Variants in CNBD1 observed in about 807,000 individuals in gnomAD.
The protein encoded by CNBD1 is cyclic nucleotide binding domain containing 1.
A neutral mutation model predicts 54.4 loss-of-function variants in CNBD1; 71 were observed. The observed-to-expected ratio is 1.30, with a 90% CI of 1.08 to 1.59. The LOEUF is 1.59. Among genes scored for constraint, CNBD1 ranks in the 40% most tolerant of loss-of-function variants. The probability of loss-of-function intolerance (pLI) is 0.00; values close to 1 mark genes in which losing one functional copy is unlikely to be tolerated. For synonymous variants in CNBD1, 182 were observed against 170.7 expected (o/e 1.07, Z -0.51); for missense variants, 659 against 518.0 (o/e 1.27, Z -2.64).
At chr8:87,314,126 T>C (rs1428768744) in intron 8 of CNBD1, among the ~76,000 whole-genome samples, 1 of 151,792 alleles carries the variant, frequency 6.6e-6, no homozygotes, top group Non-Finnish European at 1.5e-5. Context: ...TCTAATTCAG[T>C]ATAATATGGG....
intron 3 of CNBD1, chr8:87,428,625 G>A (rs1216600128): frequency 2.2e-6 from 1 of 451,838 alleles, no homozygotes; most frequent in Admixed American, 2.4e-5. Context: ...TAAGTAAAAT[G>A]TTCAAGTTAT....
At chr8:87,126,266 G>A (rs535609389) in intron 4 of CNBD1, among the ~76,000 whole-genome samples, 1 of 151,942 alleles carries the variant, frequency 6.6e-6, no homozygotes, top group Non-Finnish European at 1.5e-5. Flanking sequence ...TTTCCAAAGT[G>A]GTTGTACCAC....
chr8:87,285,862 C>T (rs1808687445), intron 7 of CNBD1, among the ~76,000 whole-genome samples: 1 of 152,168 alleles, frequency 6.6e-6, no homozygotes, highest in Admixed American at 6.6e-5. Flanking sequence ...AAGAGTGAAA[C>T]TCCGTCTCAA....
intron 8 of CNBD1, among the ~76,000 whole-genome samples, chr8:87,301,511 T>A (rs1808992028): frequency 6.6e-6 from 1 of 152,040 alleles, no homozygotes; most frequent in Non-Finnish European, 1.5e-5. Context: ...ATAACGTGGG[T>A]TTCATACCAA....
intron 4 of CNBD1, among the ~76,000 whole-genome samples, chr8:87,193,587 C>T (rs1813655281): frequency 6.6e-6 from 1 of 152,180 alleles, no homozygotes; most frequent in East Asian, 1.9e-4. Context: ...ATCAGCATCT[C>T]TGAAATTTCC....
At chr8:86,991,221 T>C (rs1226014172) in intron 4 of CNBD1, among the ~76,000 whole-genome samples, 1 of 152,172 alleles carries the variant, frequency 6.6e-6, no homozygotes, top group African/African-American at 2.4e-5. Context: ...TTATGTTGAA[T>C]GACAGTGGTG....
At chr8:87,371,413 G>A (rs1810792187) in intron 10 of CNBD1, among the ~76,000 whole-genome samples, 1 of 151,946 alleles carries the variant, frequency 6.6e-6, no homozygotes, top group Non-Finnish European at 1.5e-5. Flanking sequence ...TTGAGCAGTG[G>A]TTTGTAATTC....
At chr8:87,423,078 C>G (rs1807974061) in intron 2 of CNBD1, among the ~76,000 whole-genome samples, 1 of 151,696 alleles carries the variant, frequency 6.6e-6, no homozygotes, top group Non-Finnish European at 1.5e-5. Context: ...CTCTGTTTGT[C>G]TGTTGTTGGT....
chr8:87,328,104 T>C (rs1177383902), intron 8 of CNBD1, among the ~76,000 whole-genome samples: 1 of 152,066 alleles, frequency 6.6e-6, no homozygotes, highest in Admixed American at 6.5e-5. Flanking sequence ...CCCACATGCA[T>C]TAGGTGTTTG....
intron 3 of CNBD1, among the ~76,000 whole-genome samples, chr8:86,925,482 A>AGTGTGTGTGTGT (rs71275894): frequency 1.3e-4 from 19 of 141,816 alleles, no homozygotes; most frequent in African/African-American, 5.1e-4. Flanking sequence ...CTTACCAAAA[A>AGTGTGTGTGTGT]GTGTGTGTGT....
At chr8:87,167,911 G>T (rs1353354746) in intron 4 of CNBD1, among the ~76,000 whole-genome samples, 1 of 151,810 alleles carries the variant, frequency 6.6e-6, no homozygotes, top group Non-Finnish European at 1.5e-5. Flanking sequence ...TGATAATACA[G>T]CCTAATACAT....
At chr8:87,312,771 T>A (rs889498201) in intron 8 of CNBD1, among the ~76,000 whole-genome samples, 10 of 151,946 alleles carry the variant, frequency 6.6e-5, no homozygotes, top group African/African-American at 2.4e-4. Context: ...GAATATTCCA[T>A]AAAAATTTTT....
intron 4 of CNBD1, among the ~76,000 whole-genome samples, chr8:86,972,605 G>T (rs1808249186): frequency 6.6e-6 from 1 of 152,088 alleles, no homozygotes; most frequent in Admixed American, 6.6e-5. Context: ...CACATAATAG[G>T]TAAGATACAC....
At chr8:87,248,288 G>A (rs1807846900) in intron 6 of CNBD1, among the ~76,000 whole-genome samples, 1 of 152,164 alleles carries the variant, frequency 6.6e-6, no homozygotes, top group Non-Finnish European at 1.5e-5. Flanking sequence ...AGTGCTAGCT[G>A]AAAAAGGAAC....
chr8:87,040,770 T>C (rs555637170), intron 4 of CNBD1, among the ~76,000 whole-genome samples: 1 of 151,610 alleles, frequency 6.6e-6, no homozygotes, highest in South Asian at 2.1e-4. Flanking sequence ...ATTTTGTGTG[T>C]TTTTTAAAAT....
intron 3 of CNBD1, among the ~76,000 whole-genome samples, chr8:86,910,127 A>G (rs1298294763): frequency 2.0e-5 from 3 of 152,128 alleles, no homozygotes; most frequent in Non-Finnish European, 4.4e-5. Flanking sequence ...TTTTAGTTGT[A>G]ATCGAAATTG....
At chr8:86,905,294 C>G (rs1563816996) in intron 3 of CNBD1, 100 bp downstream of exon 3, 1 of 679,890 alleles carries the variant, frequency 1.5e-6, no homozygotes, top group Non-Finnish European at 2.6e-6. Context: ...TGACCAGTTT[C>G]AGTCAAATAT....
intron 4 of CNBD1, among the ~76,000 whole-genome samples, chr8:87,074,336 C>A (rs1810822657): frequency 6.6e-6 from 1 of 152,142 alleles, no homozygotes; most frequent in South Asian, 2.1e-4. Context: ...GAATTCCAAG[C>A]CAGTGGGTCT....
intron 4 of CNBD1, among the ~76,000 whole-genome samples, chr8:86,982,524 G>A (rs1808510306): frequency 1.3e-5 from 2 of 152,140 alleles, no homozygotes; most frequent in Non-Finnish European, 2.9e-5. Flanking sequence ...CAAATAGGCA[G>A]TATGATTTGT....
Sources: allele counts gnomAD v4.1 joint callset (sites outside exome capture counted in the v4.1 genomes callset), GRCh38; gene constraint gnomAD v4.1.1; transcripts MANE v1.5; gene names NCBI Gene and HGNC (gene_info 2026-07-23, HGNC 2026-07-21).